WASF1: variants seen among roughly 807,000 people sequenced by gnomAD.
WASF1 encodes actin-binding protein WASF1.
A neutral mutation model predicts 50.5 loss-of-function variants in WASF1; 7 were observed. The observed-to-expected ratio is 0.14, with a 90% CI of 0.08 to 0.26. The LOEUF is 0.26. Ranked by LOEUF, WASF1 falls within the 10% of genes least tolerant of loss-of-function variation. The pLI, the probability that WASF1 is intolerant of heterozygous loss-of-function variation, is 1.00. For synonymous variants in WASF1, 205 were observed against 244.0 expected (o/e 0.84, Z 1.49); for missense variants, 470 against 694.7 (o/e 0.68, Z 3.64).
intron 3 of WASF1, among the ~76,000 whole-genome samples, chr6:110,150,179 G>C (rs1307446406): frequency 6.6e-6 from 1 of 152,030 alleles, no homozygotes; most frequent in Non-Finnish European, 1.5e-5. Flanking sequence ...ACATATTATG[G>C]TTAAAATATA....
intron 4 of WASF1, among the ~76,000 whole-genome samples, chr6:110,114,533 C>A (rs59423080): frequency 6.6e-6 from 1 of 152,036 alleles, no homozygotes; most frequent in Non-Finnish European, 1.5e-5. Context: ...TTTGTGGGTG[C>A]ATGGCTGTTA....
intron 2 of WASF1, among the ~76,000 whole-genome samples, chr6:110,168,533 C>T (rs895080531): frequency 9.2e-5 from 14 of 152,074 alleles, no homozygotes; most frequent in African/African-American, 3.4e-4. Context: ...CAGGAATCAG[C>T]AGCAATACAT....
intron 6 of WASF1, among the ~76,000 whole-genome samples, chr6:110,108,137 CAAAAAAAAAA>C (rs369773397): frequency 2.2e-4 from 11 of 50,206 alleles, no homozygotes; most frequent in Admixed American, 3.2e-4. Context: ...GACTCCGCCT[CAAAAAAAAAA>C]AAAAAAAAAA....
intron 3 of WASF1, among the ~76,000 whole-genome samples, chr6:110,131,875 C>T (rs888107408): frequency 1.3e-5 from 2 of 152,122 alleles, no homozygotes; most frequent in Non-Finnish European, 2.9e-5. Flanking sequence ...TTATTCTTGA[C>T]CCTGTGTATT....
intron 3 of WASF1, among the ~76,000 whole-genome samples, chr6:110,147,141 A>C (rs980585843): frequency 9.9e-5 from 15 of 151,980 alleles, no homozygotes; most frequent in Non-Finnish European, 1.8e-4. Context: ...AGGTCAGGAG[A>C]TCGAGACCAT....
At chr6:110,165,148 C>G (rs1396022372) in intron 2 of WASF1, among the ~76,000 whole-genome samples, 3 of 151,484 alleles carry the variant, frequency 2.0e-5, no homozygotes, top group Admixed American at 2.0e-4. Flanking sequence ...CAAAACCCAT[C>G]AAATGTACAA....
chr6:110,137,461 A>G (rs1052335069), intron 3 of WASF1, among the ~76,000 whole-genome samples: 1 of 152,174 alleles, frequency 6.6e-6, no homozygotes, highest in African/African-American at 2.4e-5. Context: ...TCAAAATCTA[A>G]GCTGTTGGAC....
intron 4 of WASF1, among the ~76,000 whole-genome samples, chr6:110,123,373 T>C (rs1562169737): frequency 6.6e-6 from 1 of 152,124 alleles, no homozygotes; most frequent in Non-Finnish European, 1.5e-5. Context: ...ACTGTATTCC[T>C]CTAGTTGTGT....
chr6:110,135,970 G>A (rs1306633206), intron 3 of WASF1, among the ~76,000 whole-genome samples: 30 of 134,418 alleles, frequency 2.2e-4, no homozygotes, highest in Non-Finnish European at 3.5e-4. Flanking sequence ...TGCAAGCTCC[G>A]CCTCCCGGGT....
chr6:110,117,746 T>A (rs1327936314), intron 4 of WASF1, among the ~76,000 whole-genome samples: 6 of 152,002 alleles, frequency 3.9e-5, no homozygotes, highest in African/African-American at 1.4e-4. Context: ...GGAAAAAATG[T>A]TAAGGGCAGC....
At chr6:110,163,851 T>C (rs759307655) in intron 2 of WASF1, among the ~76,000 whole-genome samples, 12 of 151,524 alleles carry the variant, frequency 7.9e-5, no homozygotes, top group Non-Finnish European at 1.5e-4. Flanking sequence ...CAGTGTAGTT[T>C]TGGAGAAATA....
At chr6:110,120,589 A>T (rs1250120838) in intron 4 of WASF1, among the ~76,000 whole-genome samples, 2 of 152,176 alleles carry the variant, frequency 1.3e-5, no homozygotes, top group Non-Finnish European at 2.9e-5. Flanking sequence ...AAGAATCAAT[A>T]CCGTGAAAAT....
intron 4 of WASF1, among the ~76,000 whole-genome samples, chr6:110,118,794 T>G (rs1407648195): frequency 6.6e-6 from 1 of 152,074 alleles, no homozygotes; most frequent in Non-Finnish European, 1.5e-5. Context: ...ATAATTGTAG[T>G]AAAACACTCC....
intron 4 of WASF1, 44 bp from the exon 5 acceptor site, chr6:110,113,504 G>C: frequency 6.6e-7 from 1 of 1,515,608 alleles, no homozygotes; most frequent in Non-Finnish European, 8.9e-7. Flanking sequence ...AACATCCAGA[G>C]CACTGAGTTT....
At chr6:110,140,315 A>G (rs978683411) in intron 3 of WASF1, among the ~76,000 whole-genome samples, 2 of 152,190 alleles carry the variant, frequency 1.3e-5, no homozygotes, top group Non-Finnish European at 2.9e-5. Context: ...CCCTTCCCCT[A>G]TAACTTGCCC....
At position 110,105,292 on chromosome 6, in the gene WASF1, T is replaced by C; in HGVS notation, c.713+115A>G. The C allele has an allele frequency of 4.5e-6, 5 of 1,110,822 alleles. No homozygotes were observed. The South Asian group carries it at 7.2e-5, about 16-fold the overall frequency. The allele number at this position is 1,110,822 out of a possible 1,614,324, so 68.8% of individuals were successfully genotyped here. ...GGTCAGGATTTTGAAATAATCTCTA[T>C]ATTTATAACAGGGTCTGCCTGTTCA... is the stretch of plus-strand genomic sequence containing the variant. On this transcript the variant is annotated intron_variant, in intron 8 of 10. Transcript: ENST00000392589.
chr6:110,114,924 T>A (rs865922761), intron 4 of WASF1, among the ~76,000 whole-genome samples: 8 of 151,782 alleles, frequency 5.3e-5, no homozygotes, highest in Admixed American at 3.9e-4. Context: ...AAACCCCGTC[T>A]CAACCAAAAA....
At chr6:110,146,567 CATATTTCAATT>C (rs1562181429) in intron 3 of WASF1, among the ~76,000 whole-genome samples, 1 of 151,308 alleles carries the variant, frequency 6.6e-6, no homozygotes, top group Non-Finnish European at 1.5e-5. Flanking sequence ...ACTTTAAAAC[CATATTTCAATT>C]ATACAAAACC....
chr6:110,135,641 T>C (rs558447018), intron 3 of WASF1, among the ~76,000 whole-genome samples: 1 of 151,974 alleles, frequency 6.6e-6, no homozygotes, highest in African/African-American at 2.4e-5. Context: ...TATGTTACAT[T>C]ATATGGCAAA....
Sources: allele counts gnomAD v4.1 joint callset (sites outside exome capture counted in the v4.1 genomes callset), GRCh38; gene constraint gnomAD v4.1.1; transcripts MANE v1.5; gene names NCBI Gene and HGNC (gene_info 2026-07-23, HGNC 2026-07-21).